Variants in HFM1 observed in about 807,000 individuals in gnomAD.
The protein encoded by HFM1 is probable ATP-dependent DNA helicase HFM1.
HFM1 carries 169 observed loss-of-function variants against 192.1 expected under a neutral mutation model. That is an observed-to-expected ratio of 0.88 (90% confidence interval 0.78 to 1.00). The LOEUF is 1.00. Among genes scored for constraint, HFM1 ranks in the 50% least tolerant of loss-of-function variants. HFM1 has a pLI of 0.00. For missense variants in HFM1, 1,661 were observed against 1,668.0 expected, an observed-to-expected ratio of 1.00 and a Z score of 0.07; for synonymous variants, 525 against 537.8, an observed-to-expected ratio of 0.98 and a Z score of 0.33.
intron 8 of HFM1, among the ~76,000 whole-genome samples, chr1:91,379,478 A>G (rs1361431056): frequency 6.6e-6 from 1 of 152,148 alleles, no homozygotes; most frequent in Admixed American, 6.6e-5. Flanking sequence ...TAAAGAAAAA[A>G]AATTCTCATA....
intron 36 of HFM1, among the ~76,000 whole-genome samples, chr1:91,264,657 G>A (rs1391600867): frequency 1.3e-5 from 2 of 151,896 alleles, no homozygotes; most frequent in African/African-American, 4.8e-5. Flanking sequence ...ACAAGCGTGA[G>A]CCACCGCGAG....
chr1:91,330,081 G>A (rs567443252), intron 20 of HFM1, among the ~76,000 whole-genome samples: 1 of 152,222 alleles, frequency 6.6e-6, no homozygotes, highest in East Asian at 1.9e-4. Context: ...CTGTGTCTTG[G>A]GTGGGCAGAC....
chr1:91,391,371 C>G lies in HFM1; in HGVS notation c.494+2722G>C, dbSNP rs575910100. Reference sequence around the variant, plus strand: ...AAACTATACTACAAGGCTACAGTAACCAAAACAGCATGATACTGGTACCAA... The same window carrying G: ...AAACTATACTACAAGGCTACAGTAAGCAAAACAGCATGATACTGGTACCAA... On this transcript the variant is annotated intron_variant, in intron 4 of 38. Transcript: ENST00000370425. 2.8e-3 allele frequency among the ~76,000 whole-genome samples: 429 copies of G among 152,276 alleles called. 2 individuals carry two copies. Among genetic ancestry groups the G allele is most frequent in the Non-Finnish European group, 4.6e-3 (316 of 68,028 alleles).
At chr1:91,393,055 T>A (rs1436090229) in intron 4 of HFM1, among the ~76,000 whole-genome samples, 6 of 152,048 alleles carry the variant, frequency 3.9e-5, no homozygotes, top group African/African-American at 1.2e-4. Flanking sequence ...TACATAAGAA[T>A]GAAAAAAATA....
At chr1:91,278,871 T>G (rs1013716514) in intron 30 of HFM1, among the ~76,000 whole-genome samples, 1 of 152,058 alleles carries the variant, frequency 6.6e-6, no homozygotes, top group Non-Finnish European at 1.5e-5. Flanking sequence ...TCTGTGACCA[T>G]AGTAGAAGAA....
At chr1:91,342,512 AC>A (rs1431654748) in intron 20 of HFM1, among the ~76,000 whole-genome samples, 1 of 152,194 alleles carries the variant, frequency 6.6e-6, no homozygotes, top group Non-Finnish European at 1.5e-5. Context: ...CCAATTTATT[AC>A]ACTTAGTTCA....
In HFM1 at chr1:91,278,874, TAGA is replaced by T. The variant is rs961301641; in HGVS notation, c.3392-1815_3392-1813del. On this transcript the variant is annotated intron_variant, in intron 30 of 38. Transcript: ENST00000370425. The stretch of plus-strand genomic sequence containing the variant: ...AGATAAGGCCACTCTGTGACCATAG[TAGA>T]AGAAGACAGAGATAAGACTACCATG... 1.9e-3 allele frequency among the ~76,000 whole-genome samples: 283 copies of T among 152,280 alleles called. 6 individuals are homozygous for T. Among genetic ancestry groups the T allele is most frequent in the Admixed American group, 0.018 (276 of 15,274 alleles).
chr1:91,405,657 T>C (rs1453822800), upstream of HFM1, among the ~76,000 whole-genome samples: 1 of 152,166 alleles, frequency 6.6e-6, no homozygotes, highest in African/African-American at 2.4e-5. Flanking sequence ...AAGCTCTAAC[T>C]CCTAGATACT....
At position 91,354,557 on chromosome 1, in the gene HFM1, A is replaced by G. The variant is rs562972366; in HGVS notation, c.1686-1258T>C. Among the ~76,000 whole-genome samples the G allele has an allele frequency of 7.9e-5, 12 of 152,260 alleles. No individual in the cohort carries two copies. The South Asian group carries it at 2.5e-3, about 31-fold the overall frequency. On this transcript the variant is annotated intron_variant, in intron 13 of 38. Transcript: ENST00000370425. The stretch of plus-strand genomic sequence containing the variant: ...GAGGCACATTATAACCAAAATGTGG[A>G]AAGTCAAAGACAAAGAGAGAATTTT...
chr1:91,381,013 C>A, intron 6 of HFM1, 31 bp from the exon 7 acceptor site: 1 of 969,146 alleles, frequency 1.0e-6, no homozygotes, highest in Non-Finnish European at 1.6e-6. Context: ...TCAAATATTT[C>A]AGAATTTAAA....
chr1:91,299,331 A>G (rs1181457412), intron 30 of HFM1, among the ~76,000 whole-genome samples: 1 of 152,150 alleles, frequency 6.6e-6, no homozygotes, highest in East Asian at 1.9e-4. Flanking sequence ...ACACAATAAT[A>G]ATGGGAGACT....
At chr1:91,378,519 T>C (rs1425075885) in intron 9 of HFM1, 39 bp from the exon 10 acceptor site, 2 of 1,155,216 alleles carry the variant, frequency 1.7e-6, no homozygotes, top group Non-Finnish European at 2.6e-6. Context: ...TTTAATGTGA[T>C]AAGGAATTAT....
At chr1:91,272,535 G>A (rs1666402464) in intron 34 of HFM1, among the ~76,000 whole-genome samples, 1 of 151,920 alleles carries the variant, frequency 6.6e-6, no homozygotes. Flanking sequence ...GTAAGCAGAG[G>A]GAAGGATAGA....
intron 19 of HFM1, among the ~76,000 whole-genome samples, chr1:91,344,510 A>C (rs1655844044): frequency 6.6e-6 from 1 of 152,206 alleles, no homozygotes; most frequent in Non-Finnish European, 1.5e-5. Context: ...GCTGAGCATG[A>C]TTCTAAGCTC....
chr1:91,338,849 G>T, intron 20 of HFM1: 1 of 446,648 alleles, frequency 2.2e-6, no homozygotes, highest in Non-Finnish European at 4.5e-6. Flanking sequence ...TACAGCCACT[G>T]TTGGCATTAC....
intron 20 of HFM1, among the ~76,000 whole-genome samples, chr1:91,334,223 T>G (rs1468963790): frequency 1.3e-5 from 2 of 152,184 alleles, no homozygotes; most frequent in Non-Finnish European, 2.9e-5. Flanking sequence ...CTCCTCTTAT[T>G]GGGTATGCAA....
intron 30 of HFM1, among the ~76,000 whole-genome samples, chr1:91,285,704 G>T (rs183787485): frequency 5.9e-5 from 9 of 152,230 alleles, no homozygotes; most frequent in African/African-American, 7.2e-5. Flanking sequence ...CCATGATTTT[G>T]CTTTCCACAG....
intron 34 of HFM1, among the ~76,000 whole-genome samples, chr1:91,273,017 G>A (rs1666462164): frequency 6.6e-6 from 1 of 151,924 alleles, no homozygotes; most frequent in African/African-American, 2.4e-5. Context: ...TTAACAGACT[G>A]GCTATTAATA....
Position 91,378,472 on chromosome 1 carries a change from C to T in HFM1, c.1167G>A (p.Trp389Ter). Reference protein sequence around the residue: ...AHIIMTTPEKWDSMTRKWRDN... With the variant: ...AHIIMTTPEK Reference sequence around the variant, plus strand: ...CTCTCCATTTCCTAGTCATGCTATCCCATTTTTCCTAGAGAGAAAAAAAAG... The same window carrying T: ...CTCTCCATTTCCTAGTCATGCTATCTCATTTTTCCTAGAGAGAAAAAAAAG... The change falls in exon 10 of 39, where the codon TGG becomes TGA. Residue 389 changes from tryptophan (W) to a stop codon, truncating the protein, a stop_gained. Transcript: ENST00000370425. LOFTEE classifies it high-confidence loss of function. 6.3e-7 allele frequency: 1 copy of T among 1,594,716 alleles called. No individual in the cohort carries two copies. The highest frequency in any genetic ancestry group is 8.6e-7 in the Non-Finnish European group (1 of 1,165,536).
Sources: gnomAD v4.1 joint callset for allele counts (sites outside exome capture counted in the v4.1 genomes callset) on GRCh38, gnomAD v4.1.1 for gene constraint, MANE v1.5 for transcripts, NCBI Gene and HGNC (gene_info 2026-07-23, HGNC 2026-07-21) for gene names.